Variants in DAB1 observed in about 807,000 individuals in gnomAD.
DAB1 encodes the protein disabled homolog 1.
Under a neutral mutation model 64.6 loss-of-function variants are expected in DAB1, and 15 were observed. The ratio of observed to expected loss-of-function variants is 0.23; its 90% confidence interval spans 0.16 to 0.36. DAB1 has a LOEUF of 0.36. Among genes scored for constraint, DAB1 ranks in the 10% least tolerant of loss-of-function variants. The pLI, the probability that DAB1 is intolerant of heterozygous loss-of-function variation, is 1.00. For missense variants in DAB1, 596 were observed against 706.7 expected (o/e 0.84, Z 1.78); for synonymous variants, 235 against 251.9 (o/e 0.93, Z 0.64).
intron 6 of DAB1, among the ~76,000 whole-genome samples, chr1:57,706,249 C>G (rs1459898209): frequency 6.6e-6 from 1 of 151,898 alleles, no homozygotes; most frequent in African/African-American, 2.4e-5. Flanking sequence ...CCCTCCTTCT[C>G]TCTTTCTCTA....
At chr1:57,316,788 A>G (rs1013838684) in intron 1 of DAB1, among the ~76,000 whole-genome samples, 2 of 152,126 alleles carry the variant, frequency 1.3e-5, no homozygotes, top group African/African-American at 4.8e-5. Context: ...AGTGACGGCA[A>G]CCTACATAAG....
At chr1:57,990,483 C>G (rs769540573) in intron 5 of DAB1, among the ~76,000 whole-genome samples, 6 of 152,226 alleles carry the variant, frequency 3.9e-5, no homozygotes, top group Non-Finnish European at 5.9e-5. Context: ...TGTTTTTATC[C>G]TAACAACAAG....
At position 58,300,648 on chromosome 1, in the gene DAB1, G is replaced by GA. The variant is rs1557726346; in HGVS notation, n.309+42703_309+42704insT. ...AGAGAGAGAGAGAGAGAGAGAGAGAGGAAGGAAGGAAGGAAGGAAGGAAGG... is the reference window on the plus strand; with the variant it reads ...AGAGAGAGAGAGAGAGAGAGAGAGAGAGAAGGAAGGAAGGAAGGAAGGAAGG... On this transcript the variant is annotated intron_variant and non_coding_transcript_variant, in intron 4 of 20. Coordinates refer to the DAB1 transcript ENST00000485760. 3.1e-3 allele frequency among the ~76,000 whole-genome samples: 158 copies of GA among 51,582 alleles called. 1 individual carries two copies. Among genetic ancestry groups the GA allele is most frequent in the African/African-American group, 6.7e-3 (90 of 13,514 alleles). 33.8% of individuals were successfully genotyped at this position (51,582 alleles called of 152,430 possible).
At chr1:57,528,719 A>C (rs1226353984) in intron 7 of DAB1, among the ~76,000 whole-genome samples, 2 of 151,956 alleles carry the variant, frequency 1.3e-5, no homozygotes, top group African/African-American at 4.8e-5. Flanking sequence ...GATAAACAGA[A>C]GACTTCTCAA....
intron 5 of DAB1, among the ~76,000 whole-genome samples, chr1:57,964,081 C>A (rs903156743): frequency 7.2e-5 from 11 of 152,090 alleles, no homozygotes; most frequent in African/African-American, 2.7e-4. Flanking sequence ...AGGGGAGGAG[C>A]AAGGACATGG....
intron 3 of DAB1, among the ~76,000 whole-genome samples, chr1:58,480,379 A>G (rs902181669): frequency 1.3e-5 from 2 of 152,010 alleles, no homozygotes; most frequent in East Asian, 1.9e-4. Context: ...CTCTCCCCCA[A>G]TTCTGTTTCT....
chr1:57,977,708 A>AC (rs1645955393), intron 5 of DAB1, among the ~76,000 whole-genome samples: 1 of 152,170 alleles, frequency 6.6e-6, no homozygotes, highest in East Asian at 1.9e-4. Flanking sequence ...TGCTGACGAC[A>AC]TCCCCCGGAC....
intron 5 of DAB1, among the ~76,000 whole-genome samples, chr1:58,002,946 T>C (rs1646529017): frequency 6.6e-6 from 1 of 152,202 alleles, no homozygotes; most frequent in African/African-American, 2.4e-5. Context: ...TACAGGTTTA[T>C]TATTATAAAG....
intron 5 of DAB1, among the ~76,000 whole-genome samples, chr1:57,900,748 C>T (rs1036969447): frequency 5.9e-5 from 9 of 152,188 alleles, no homozygotes; most frequent in Non-Finnish European, 1.0e-4. Context: ...TTACTTCCTT[C>T]AGGCCTTCTC....
intron 2 of DAB1, among the ~76,000 whole-genome samples, chr1:57,174,593 G>T (rs376986133): frequency 6.6e-4 from 100 of 152,182 alleles, no homozygotes; most frequent in African/African-American, 2.3e-3. Flanking sequence ...TAAAATACCA[G>T]TCACTTTATT....
intron 5 of DAB1, among the ~76,000 whole-genome samples, chr1:57,899,624 G>T (rs534079044): frequency 2.0e-5 from 3 of 151,800 alleles, no homozygotes; most frequent in African/African-American, 7.3e-5. Flanking sequence ...CACCACTCAC[G>T]GAGAAAGTCA....
chr1:57,127,596 A>T (rs1310177551), intron 4 of DAB1, among the ~76,000 whole-genome samples: 1 of 152,152 alleles, frequency 6.6e-6, no homozygotes, highest in African/African-American at 2.4e-5. Flanking sequence ...TTAGTTCACC[A>T]ATGTATCCAA....
chr1:57,624,481 T>C (rs565496609), intron 7 of DAB1, among the ~76,000 whole-genome samples: 1 of 152,202 alleles, frequency 6.6e-6, no homozygotes, highest in African/African-American at 2.4e-5. Flanking sequence ...CCGTGGATCA[T>C]AGTTGCTAAG....
intron 6 of DAB1, among the ~76,000 whole-genome samples, chr1:57,791,233 A>G (rs1650581584): frequency 6.6e-6 from 1 of 152,200 alleles, no homozygotes; most frequent in African/African-American, 2.4e-5. Context: ...TTGAATTCCC[A>G]CTATGCCCTA....
At chr1:57,591,347 G>A (rs1645443430) in intron 7 of DAB1, among the ~76,000 whole-genome samples, 1 of 152,182 alleles carries the variant, frequency 6.6e-6, no homozygotes, top group African/African-American at 2.4e-5. Flanking sequence ...CCTGGTGACT[G>A]GCCCATGTGA....
rs768429901 is a variant in DAB1, at chr1:57,170,851, C to A, written c.68-25422G>T. ...GCTCGCGGTATCTGCGTGGAGATCA[C>A]CCACAGGTGTGAGGCTTTTGATACT... On this transcript the variant is annotated intron_variant, in intron 2 of 14. Coordinates refer to ENST00000371236, the MANE Select transcript of DAB1 (RefSeq NM_001365792.1). Among the ~76,000 whole-genome samples the A allele has an allele frequency of 3.4e-4, 52 of 152,122 alleles. 1 individual carries two copies. Among genetic ancestry groups the A allele is most frequent in the Admixed American group, 2.6e-4 (4 of 15,272 alleles).
chr1:57,382,562 T>A (rs1205816127), intron 1 of DAB1, among the ~76,000 whole-genome samples: 1 of 152,216 alleles, frequency 6.6e-6, no homozygotes, highest in Non-Finnish European at 1.5e-5. Context: ...CATTCCTTTC[T>A]GGAGCTTCAA....
At chr1:57,864,739 A>T (rs1057503164) in intron 1 of DAB1, 3 of 151,140 alleles carry the variant, frequency 2.0e-5, no homozygotes, top group Non-Finnish European at 4.4e-5. Context: ...CCAGGCTGGT[A>T]TCGAACTCTG....
At chr1:57,698,183 C>T (rs890889756) in intron 6 of DAB1, among the ~76,000 whole-genome samples, 1 of 151,756 alleles carries the variant, frequency 6.6e-6, no homozygotes, top group Non-Finnish European at 1.5e-5. Context: ...AATTCCTGGG[C>T]TCAAGGAACC....
Sources: allele counts gnomAD v4.1 joint callset (sites outside exome capture counted in the v4.1 genomes callset), GRCh38; gene constraint gnomAD v4.1.1; transcripts MANE v1.5; gene names NCBI Gene and HGNC (gene_info 2026-07-23, HGNC 2026-07-21).